The following SNX29 variants were observed in gnomAD, a reference collection of about 807,000 sequenced individuals.
The protein encoded by SNX29 is sorting nexin 29.
In SNX29, 78 loss-of-function variants were observed where a neutral mutation model predicts 102.1. The ratio of observed to expected loss-of-function variants is 0.76; its 90% confidence interval spans 0.64 to 0.92. The LOEUF (loss-of-function observed/expected upper bound fraction) is 0.92, where lower values mean the gene tolerates loss of function less well. SNX29 is among the 40% of genes least tolerant of loss of function. SNX29 has a pLI of 0.00. For missense variants in SNX29, 1,280 were observed against 1,061.7 expected, an observed-to-expected ratio of 1.21 and a Z score of -2.86; for synonymous variants, 580 against 414.5, an observed-to-expected ratio of 1.40 and a Z score of -4.85.
At chr16:12,063,366 C>CTTTTTTTTTT (rs369015533) in intron 9 of SNX29, among the ~76,000 whole-genome samples, 1,090 of 55,354 alleles carry the variant, frequency 0.02, 239 homozygotes, top group Middle Eastern at 0.057. Context: ...CCTAGTCCAT[C>CTTTTTTTTTT]TTTTTTTTTT....
At chr16:12,265,264 A>G (rs1387329217) in intron 14 of SNX29, among the ~76,000 whole-genome samples, 1 of 152,146 alleles carries the variant, frequency 6.6e-6, no homozygotes, top group Non-Finnish European at 1.5e-5. Context: ...ACTGCTTTTC[A>G]CTTGGGGGGG....
intron 11 of SNX29, among the ~76,000 whole-genome samples, chr16:12,085,550 C>G (rs571215391): frequency 5.9e-5 from 9 of 152,242 alleles, no homozygotes; most frequent in East Asian, 5.8e-4. Flanking sequence ...TGGTCTCAAA[C>G]TCCTGACTTC....
At chr16:12,544,459 T>A (rs901022567) in intron 20 of SNX29, among the ~76,000 whole-genome samples, 2 of 152,204 alleles carry the variant, frequency 1.3e-5, no homozygotes, top group Non-Finnish European at 2.9e-5. Context: ...CCTATCTCAT[T>A]CTGAAGAGGC....
chr16:12,357,752 A>G (rs1224793895), intron 16 of SNX29, among the ~76,000 whole-genome samples: 3 of 151,996 alleles, frequency 2.0e-5, no homozygotes, highest in African/African-American at 7.3e-5. Flanking sequence ...CTATGAATCC[A>G]CTACTGTCTT....
chr16:12,540,505 C>A (rs895885908), intron 20 of SNX29, among the ~76,000 whole-genome samples: 4 of 152,230 alleles, frequency 2.6e-5, no homozygotes, highest in Admixed American at 2.6e-4. Flanking sequence ...GGCGCCTTCT[C>A]GAGGTTGTGG....
At chr16:12,185,892 C>T (rs1302028079) in intron 13 of SNX29, among the ~76,000 whole-genome samples, 2 of 152,258 alleles carry the variant, frequency 1.3e-5, no homozygotes, top group African/African-American at 4.8e-5. Context: ...AAGATAATAG[C>T]GATTGTACCT....
intron 14 of SNX29, among the ~76,000 whole-genome samples, chr16:12,248,053 T>C (rs1248996605): frequency 6.6e-6 from 1 of 152,206 alleles, no homozygotes; most frequent in Non-Finnish European, 1.5e-5. Flanking sequence ...GCTTCCCCGC[T>C]GCCCTCCCTG....
At chr16:12,215,034 G>T (rs2077284522) in intron 14 of SNX29, among the ~76,000 whole-genome samples, 1 of 152,144 alleles carries the variant, frequency 6.6e-6, no homozygotes, top group African/African-American at 2.4e-5. Flanking sequence ...GACATTTGAT[G>T]AATAAATGAG....
In SNX29 at chr16:12,129,679, C is replaced by T. The variant is rs772581593; in HGVS notation, c.1516C>T (p.Arg506Trp). The T allele has an allele frequency of 9.9e-6, 16 of 1,611,012 alleles. No individual in the cohort carries two copies. Among genetic ancestry groups the T allele is most frequent in the South Asian group, 2.2e-5 (2 of 90,684 alleles). The change falls in exon 13 of 21, where the codon CGG becomes TGG. Residue 506 changes from arginine (R) to tryptophan (W), a missense_variant. Transcript: ENST00000566228. ...DGEMEHSAALRQEVDTLKRKV... is the reference protein window; with the variant it reads ...DGEMEHSAALWQEVDTLKRKV... ...TGAGATGGAGCACTCAGCCGCGCTCCGGCAAGAGGTGGACACCTTGAAAAG... is the reference window on the plus strand; with the variant it reads ...TGAGATGGAGCACTCAGCCGCGCTCTGGCAAGAGGTGGACACCTTGAAAAG...
chr16:12,299,777 G>A (rs936235436), intron 15 of SNX29, among the ~76,000 whole-genome samples: 3 of 122,244 alleles, frequency 2.5e-5, no homozygotes, highest in African/African-American at 4.3e-5. Context: ...TTCAAATTTC[G>A]AATTTTTTTT....
intron 13 of SNX29, among the ~76,000 whole-genome samples, chr16:12,169,106 C>T (rs577883922): frequency 1.4e-3 from 206 of 152,294 alleles, no homozygotes; most frequent in Non-Finnish European, 1.8e-3. Flanking sequence ...ATAACATTGT[C>T]GGGATAGCTG....
intron 14 of SNX29, among the ~76,000 whole-genome samples, chr16:12,222,591 C>G (rs1459214708): frequency 1.3e-5 from 2 of 151,950 alleles, no homozygotes; most frequent in Non-Finnish European, 2.9e-5. Flanking sequence ...TTCTTTGAGA[C>G]AGAGTCTCTC....
chr16:12,243,780 G>A (rs757685280), intron 14 of SNX29, among the ~76,000 whole-genome samples: 2 of 152,166 alleles, frequency 1.3e-5, no homozygotes, highest in African/African-American at 2.4e-5. Context: ...AGCACCAGGT[G>A]GCTTCTCTGC....
At chr16:12,130,474 C>CAAAAAA (rs71139578) in intron 13 of SNX29, among the ~76,000 whole-genome samples, 8 of 56,042 alleles carry the variant, frequency 1.4e-4, no homozygotes, top group South Asian at 8.9e-4. Context: ...GACTCCGTCT[C>CAAAAAA]AAAAAAAAAA....
rs1218916967 is a variant in SNX29, at chr16:11,984,348, A to C, written c.7+7535A>C. On this transcript the variant is annotated intron_variant, in intron 1 of 20. Coordinates refer to ENST00000566228, the MANE Select transcript of SNX29 (RefSeq NM_032167.5). ...ACCATTGCACTCCAGCCTGGGTGACAGAGCCAGACCCCTCAGACCCTGTCT... is the reference window on the plus strand; with the variant it reads ...ACCATTGCACTCCAGCCTGGGTGACCGAGCCAGACCCCTCAGACCCTGTCT... Among the ~76,000 whole-genome samples the C allele has an allele frequency of 8.1e-5, 12 of 148,476 alleles. No individual in the cohort carries two copies. In the East Asian group the frequency reaches 2.2e-3, roughly 27 times the overall value.
intron 11 of SNX29, among the ~76,000 whole-genome samples, chr16:12,109,127 CAAAAAAAAAA>C (rs71139575): frequency 3.0e-5 from 1 of 33,312 alleles, no homozygotes; most frequent in Non-Finnish European, 5.2e-5. Context: ...GGCGCTGTCT[CAAAAAAAAAA>C]AAAAAAAAAA....
rs749934100 is a variant in SNX29, at chr16:12,027,379, G to A, written c.182G>A (p.Arg61Gln). The change falls in exon 4 of 21, where the codon CGA becomes CAA. Residue 61 changes from arginine (R) to glutamine (Q), a missense_variant. Coordinates refer to ENST00000566228, the MANE Select transcript of SNX29 (RefSeq NM_032167.5). The part of the protein sequence containing the change: ...AVLQHGLKRS[R>Q]GLALTAAAIK... ...CTGCAGCATGGCTTGAAGAGGAGTC[G>A]AGGATTGGCACTCACAGCGGCAGCG... The A allele has an allele frequency of 6.8e-6, 11 of 1,613,998 alleles. No homozygotes were observed. The highest frequency in any genetic ancestry group is 1.6e-4 in the Middle Eastern group (1 of 6,084).
chr16:12,560,329 G>C (rs1188092129), intron 20 of SNX29, among the ~76,000 whole-genome samples: 1 of 152,078 alleles, frequency 6.6e-6, no homozygotes, highest in South Asian at 2.1e-4. Flanking sequence ...ATAATGCTGG[G>C]TTTACCGAAG....
At chr16:12,539,842 T>G (rs2077245155) in intron 20 of SNX29, among the ~76,000 whole-genome samples, 1 of 151,802 alleles carries the variant, frequency 6.6e-6, no homozygotes, top group Admixed American at 6.6e-5. Context: ...TTTGGGGAAG[T>G]AAGTAAGTGT....
Sources: gnomAD v4.1 joint callset for allele counts (sites outside exome capture counted in the v4.1 genomes callset) on GRCh38, gnomAD v4.1.1 for gene constraint, MANE v1.5 for transcripts, NCBI Gene and HGNC (gene_info 2026-07-23, HGNC 2026-07-21) for gene names.